Variants in TTC7A observed in about 807,000 individuals in gnomAD.
TTC7A encodes the protein tetratricopeptide repeat domain 7A, also known as tetratricopeptide repeat protein 7A.
TTC7A carries 110 observed loss-of-function variants against 103.7 expected under a neutral mutation model. That is an observed-to-expected ratio of 1.06 (90% CI 0.91 to 1.24). The LOEUF is 1.24. Ranked by LOEUF, TTC7A falls within the 50% of genes most tolerant of loss-of-function variation. The pLI, the probability that TTC7A is intolerant of heterozygous loss-of-function variation, is 0.00. For missense variants in TTC7A, 1,340 were observed against 1,116.3 expected (o/e 1.20, Z -2.86); for synonymous variants, 521 against 467.9 (o/e 1.11, Z -1.47).
chr2:46,940,511 C>CCCTG (rs1311214257), upstream of TTC7A, among the ~76,000 whole-genome samples: 6 of 152,314 alleles, frequency 3.9e-5, 1 homozygote, highest in East Asian at 3.9e-4. The surrounding 1 kb of genome is among the most constrained non-coding windows in gnomAD (Gnocchi z 4.7). Flanking sequence ...CTGGGCTAAA[C>CCCTG]CCTGCTAAGC....
At position 46,995,122 on chromosome 2, in the gene TTC7A, T is replaced by C. The variant is rs1572849626; in HGVS notation, c.1002-14T>C. 4 of 1,614,028 alleles carry C rather than the reference T, an allele frequency of 2.5e-6. 1 individual carries two copies. Among genetic ancestry groups the C allele is most frequent in the Admixed American group, 3.3e-5 (2 of 60,014 alleles). On this transcript the variant is annotated splice_polypyrimidine_tract_variant and intron_variant, in intron 7 of 19. Coordinates refer to ENST00000319190, the MANE Select transcript of TTC7A (RefSeq NM_020458.4). The stretch of plus-strand genomic sequence containing the variant: ...GTGTGTGCTCTAGCCAGGCCTGTCA[T>C]TGGTGTCTTTCAGCCTCTACTGCCC...
At chr2:47,023,688 T>C (rs1679547501) in intron 13 of TTC7A, among the ~76,000 whole-genome samples, 1 of 152,128 alleles carries the variant, frequency 6.6e-6, no homozygotes, top group South Asian at 2.1e-4. Context: ...CAAGTCTCGG[T>C]TCCTGCTCTC....
rs139463623 is a variant in TTC7A, at chr2:46,986,229, C to T, written c.765-7221C>T. Among the ~76,000 whole-genome samples, 37 of 152,280 alleles carry T rather than the reference C, an allele frequency of 2.4e-4. No individual in the cohort carries two copies. The East Asian group carries it at 7.0e-3, about 29-fold the overall frequency. On this transcript the variant is annotated intron_variant, in intron 5 of 19. Transcript: ENST00000319190. The stretch of plus-strand genomic sequence containing the variant: ...GCATTTTCTGCTGGTTACATTCCAT[C>T]CTGCCCTCCTAGCCTCTTGGGTTGT...
intron 2 of TTC7A, among the ~76,000 whole-genome samples, chr2:46,953,550 G>A (rs1251077087): frequency 1.3e-5 from 2 of 152,222 alleles, no homozygotes; most frequent in African/African-American, 4.8e-5. Flanking sequence ...GGATTCCTGT[G>A]CATCCAAGTA....
At chr2:46,980,167 T>G (rs1558533496) in intron 5 of TTC7A, among the ~76,000 whole-genome samples, 1 of 152,228 alleles carries the variant, frequency 6.6e-6, no homozygotes, top group Admixed American at 6.5e-5. Flanking sequence ...GGTACTTGTT[T>G]AGTAGGATAA....
Position 47,074,347 on chromosome 2 carries a change from G to A in TTC7A, c.*424G>A, listed in dbSNP as rs975827233. On this transcript the variant is annotated 3_prime_UTR_variant, in exon 20 of 20. Coordinates refer to ENST00000319190, the MANE Select transcript of TTC7A (RefSeq NM_020458.4). ...GGCGGTCACAATGTGAAGAAACTGC[G>A]GGCAAGTGGGAAGACTATGAGATTT... 2 of 166,570 alleles carry A rather than the reference G, an allele frequency of 1.2e-5. No individual in the cohort carries two copies. Among genetic ancestry groups the A allele is most frequent in the Admixed American group, 1.2e-4 (2 of 16,740 alleles). The allele number at this position is 166,570 out of a possible 1,614,324, so 10.3% of individuals were successfully genotyped here. A position where few individuals can be genotyped will look rare whatever the true frequency, so the allele number is the denominator to read the frequency against.
intron 5 of TTC7A, among the ~76,000 whole-genome samples, chr2:46,979,221 A>T (rs1443700035): frequency 6.6e-6 from 1 of 152,190 alleles, no homozygotes; most frequent in Non-Finnish European, 1.5e-5. Context: ...TGATGTTGAA[A>T]AAGCAAAGGA....
rs1365459414 is a variant in TTC7A, at chr2:46,991,885, G to A, written c.765-1565G>A. ...CATCGTAACTCTGATCCTACCCCAGGAGTCTCCATTCTCAACTCTGAAGAC... is the reference window on the plus strand; with the variant it reads ...CATCGTAACTCTGATCCTACCCCAGAAGTCTCCATTCTCAACTCTGAAGAC... On this transcript the variant is annotated intron_variant, in intron 5 of 19. Transcript: ENST00000319190. Among the ~76,000 whole-genome samples, 4 of 152,124 alleles carry A rather than the reference G, an allele frequency of 2.6e-5. No individual in the cohort carries two copies. The East Asian group carries it at 7.7e-4, about 29-fold the overall frequency.
At chr2:46,977,587 G>C (rs1208795629) in intron 4 of TTC7A, among the ~76,000 whole-genome samples, 1 of 152,124 alleles carries the variant, frequency 6.6e-6, no homozygotes, top group Non-Finnish European at 1.5e-5. Context: ...TGTTTGAGAG[G>C]GACAGTACGG....
chr2:47,033,005 TGTAA>T (rs1327579645), intron 15 of TTC7A, among the ~76,000 whole-genome samples: 1 of 152,084 alleles, frequency 6.6e-6, no homozygotes, highest in Non-Finnish European at 1.5e-5. Context: ...ATTATCTCTT[TGTAA>T]GTAAGTCAAT....
intron 2 of TTC7A, among the ~76,000 whole-genome samples, chr2:46,952,759 C>CA (rs1378187987): frequency 1.3e-5 from 2 of 152,058 alleles, no homozygotes; most frequent in African/African-American, 4.8e-5. Context: ...CTCACACACA[C>CA]AAAAAAAGTT....
At chr2:47,055,924 C>G (rs530323901) in intron 18 of TTC7A, among the ~76,000 whole-genome samples, 8 of 146,730 alleles carry the variant, frequency 5.5e-5, no homozygotes, top group Non-Finnish European at 8.9e-5. Context: ...CTCCTCTACT[C>G]TTTGTCATCC....
chr2:46,966,687 G>A (rs375465721), intron 3 of TTC7A, among the ~76,000 whole-genome samples: 49 of 149,432 alleles, frequency 3.3e-4, no homozygotes, highest in African/African-American at 1.2e-3. Flanking sequence ...GTGGAGATGG[G>A]GTCTATGTTG....
chr2:47,029,937 A>C lies in TTC7A; in HGVS notation c.1802+553A>C, dbSNP rs551403605. On this transcript the variant is annotated intron_variant, in intron 15 of 19. Coordinates refer to ENST00000319190, the MANE Select transcript of TTC7A (RefSeq NM_020458.4). Reference sequence around the variant, plus strand: ...CTTGGCCTAAGTGGTGGTAGGACACAGAGGACCTGCTGCCACCCAGCCAGG... The same window carrying C: ...CTTGGCCTAAGTGGTGGTAGGACACCGAGGACCTGCTGCCACCCAGCCAGG... Among the ~76,000 whole-genome samples, 3 of 152,336 alleles carry C rather than the reference A, an allele frequency of 2.0e-5. No homozygotes were observed. In the South Asian group the frequency reaches 6.2e-4, roughly 32 times the overall value.
At chr2:47,011,119 C>A (rs1166644239) in intron 10 of TTC7A, among the ~76,000 whole-genome samples, 1 of 152,236 alleles carries the variant, frequency 6.6e-6, no homozygotes. Context: ...GAGCAAGGGT[C>A]ACAGCCTCTA....
intron 3 of TTC7A, among the ~76,000 whole-genome samples, chr2:46,973,607 T>C (rs892380): frequency 0.7 from 105,697 of 152,020 alleles, 37,071 homozygotes; most frequent in East Asian, 0.75. Flanking sequence ...CAAACAAAAT[T>C]CCCAGTCGAG....
chr2:47,012,430 C>G (rs1469528660), intron 11 of TTC7A, among the ~76,000 whole-genome samples: 2 of 152,220 alleles, frequency 1.3e-5, no homozygotes, highest in Non-Finnish European at 2.9e-5. Context: ...AAAGTGGGCA[C>G]TTCCCCTGGA....
In TTC7A at chr2:47,046,297, CA is replaced by C; in HGVS notation, c.1803-17del. On this transcript the variant is annotated splice_polypyrimidine_tract_variant and intron_variant, in intron 15 of 19. Transcript: ENST00000319190. Reference sequence around the variant, plus strand: ...GCCCTTGCTGGGGTGTGCTGATGGCCACTCTCCGTCCCCACAGCCTGATGTT... The same window carrying C: ...GCCCTTGCTGGGGTGTGCTGATGGCCCTCTCCGTCCCCACAGCCTGATGTT... The C allele has an allele frequency of 6.2e-7, 1 of 1,604,120 alleles. No individual in the cohort carries two copies. The highest frequency in any genetic ancestry group is 8.5e-7 in the Non-Finnish European group (1 of 1,171,790).
At chr2:46,968,001 G>A (rs892511534) in intron 3 of TTC7A, among the ~76,000 whole-genome samples, 10 of 152,134 alleles carry the variant, frequency 6.6e-5, no homozygotes, top group African/African-American at 2.2e-4. Flanking sequence ...GGCTGGGTAG[G>A]TGGGAGGGAA....
Sources: allele counts gnomAD v4.1 joint callset (sites outside exome capture counted in the v4.1 genomes callset), GRCh38; gene constraint gnomAD v4.1.1; non-coding constraint Gnocchi (gnomAD v3.1); transcripts MANE v1.5; gene names NCBI Gene and HGNC (gene_info 2026-07-23, HGNC 2026-07-21).